The following MACROD2 variants were observed in gnomAD, a reference collection of about 807,000 sequenced individuals.
MACROD2 encodes ADP-ribose glycohydrolase MACROD2.
A neutral mutation model predicts 70.4 loss-of-function variants in MACROD2; 36 were observed. That is an observed-to-expected ratio of 0.51 (90% CI 0.39 to 0.68). The LOEUF (loss-of-function observed/expected upper bound fraction) is 0.68, where lower values mean the gene tolerates loss of function less well. MACROD2 is among the 30% of genes least tolerant of loss of function. The probability of loss-of-function intolerance (pLI) is 0.00; values close to 1 mark genes in which losing one functional copy is unlikely to be tolerated. For synonymous variants in MACROD2, 172 were observed against 178.8 expected (o/e 0.96, Z 0.30); for missense variants, 496 against 538.4 (o/e 0.92, Z 0.78).
chr20:15,874,632 T>C (rs1036235765), intron 9 of MACROD2, among the ~76,000 whole-genome samples: 3 of 152,164 alleles, frequency 2.0e-5, no homozygotes, highest in African/African-American at 7.2e-5. Context: ...TGGTATCTCA[T>C]TGTGGTTTCA....
chr20:14,267,475 A>G (rs2082153319), intron 3 of MACROD2, among the ~76,000 whole-genome samples: 1 of 152,146 alleles, frequency 6.6e-6, no homozygotes, highest in African/African-American at 2.4e-5. Context: ...AAATGCAAAA[A>G]TAACAACAAA....
intron 2 of MACROD2, among the ~76,000 whole-genome samples, chr20:14,044,886 C>T (rs1337635480): frequency 1.3e-5 from 2 of 152,192 alleles, no homozygotes; most frequent in South Asian, 2.1e-4. Context: ...GGGAGTGGCG[C>T]TCGGGGAGGC....
chr20:14,787,464 G>A (rs767844957), intron 5 of MACROD2, among the ~76,000 whole-genome samples: 11 of 152,046 alleles, frequency 7.2e-5, no homozygotes, highest in Non-Finnish European at 5.9e-5. Flanking sequence ...AAGTCAGAGC[G>A]AAGGTAAGTT....
intron 3 of MACROD2, among the ~76,000 whole-genome samples, chr20:14,282,931 G>A (rs2082317723): frequency 1.3e-5 from 2 of 152,130 alleles, no homozygotes; most frequent in African/African-American, 4.8e-5. Context: ...ATGAGATTTG[G>A]GTGGGGACAG....
chr20:15,630,665 G>A (rs2049275129), intron 8 of MACROD2, among the ~76,000 whole-genome samples: 1 of 152,228 alleles, frequency 6.6e-6, no homozygotes, highest in Non-Finnish European at 1.5e-5. Context: ...TGAGTTTAAT[G>A]TTCACGAAAA....
At chr20:15,790,901 G>A (rs1264077947) in intron 8 of MACROD2, among the ~76,000 whole-genome samples, 1 of 151,854 alleles carries the variant, frequency 6.6e-6, no homozygotes, top group Non-Finnish European at 1.5e-5. Context: ...ACAGAAAATA[G>A]ATGTCAATGT....
intron 5 of MACROD2, among the ~76,000 whole-genome samples, chr20:15,083,128 C>T (rs2075717979): frequency 2.6e-5 from 4 of 152,176 alleles, no homozygotes; most frequent in Admixed American, 2.6e-4. Flanking sequence ...TACCAATGGA[C>T]TTCCTTGTGG....
At chr20:14,980,421 T>C (rs1408431) in intron 5 of MACROD2, among the ~76,000 whole-genome samples, 3,374 of 152,218 alleles carry the variant, frequency 0.022, 65 homozygotes, top group Admixed American at 0.047. Context: ...ATGCAACCCC[T>C]CAACCTTCTC....
At chr20:14,222,578 A>T (rs2081685953) in intron 3 of MACROD2, among the ~76,000 whole-genome samples, 1 of 152,184 alleles carries the variant, frequency 6.6e-6, no homozygotes, top group South Asian at 2.1e-4. Flanking sequence ...TGATTTCACC[A>T]CTATGCATGC....
chr20:16,030,802 A>C (rs764582837), intron 15 of MACROD2, among the ~76,000 whole-genome samples: 1 of 152,188 alleles, frequency 6.6e-6, no homozygotes. Context: ...AAATTGCTCT[A>C]TGTGAGAATG....
intron 6 of MACROD2, among the ~76,000 whole-genome samples, chr20:15,261,846 A>C (rs2077252062): frequency 6.6e-6 from 1 of 152,016 alleles, no homozygotes; most frequent in African/African-American, 2.4e-5. Flanking sequence ...CAATTGCTTT[A>C]GTATTAATGC....
At position 14,326,348 on chromosome 20, in the gene MACROD2, T is replaced by C. The variant is rs1221097227; in HGVS notation, c.272-167131T>C. 1.2e-6 allele frequency: 2 copies of C among 1,613,850 alleles called. No individual in the cohort carries two copies. The highest frequency in any genetic ancestry group is 8.5e-7 in the Non-Finnish European group (1 of 1,179,902). On this transcript the variant is annotated intron_variant, in intron 3 of 17. Coordinates refer to ENST00000684519, the MANE Select transcript of MACROD2 (RefSeq NM_001351661.2). This position sits in a 1 kb window ranked among gnomAD's most constrained non-coding sequence, Gnocchi z 5.5. ...TTGGGGTTCTTAATATCTGGCTGTT[T>C]GGTCACTGGAGCTGGCCACTGTCCT...
At chr20:15,021,616 C>T (rs986890008) in intron 5 of MACROD2, 11 of 151,820 alleles carry the variant, frequency 7.2e-5, no homozygotes, top group African/African-American at 2.7e-4. Flanking sequence ...CTAATATTCT[C>T]TGTATCATTC....
intron 3 of MACROD2, among the ~76,000 whole-genome samples, chr20:14,231,581 G>A (rs377263214): frequency 2.6e-5 from 4 of 152,060 alleles, no homozygotes; most frequent in East Asian, 3.9e-4. Flanking sequence ...GCTATTGTGA[G>A]TAGTGCCGCA....
intron 6 of MACROD2, among the ~76,000 whole-genome samples, chr20:15,388,175 A>G (rs1406895871): frequency 2.0e-5 from 3 of 151,978 alleles, no homozygotes; most frequent in Non-Finnish European, 4.4e-5. Flanking sequence ...GGAAAAGGGG[A>G]AGGGGAGGCT....
chr20:15,701,897 T>C (rs987064769), intron 8 of MACROD2, among the ~76,000 whole-genome samples: 6 of 152,224 alleles, frequency 3.9e-5, no homozygotes, highest in African/African-American at 1.4e-4. Context: ...CTCCCACTTA[T>C]AACTGAGAAC....
chr20:15,269,292 G>A (rs570044856), intron 6 of MACROD2, among the ~76,000 whole-genome samples: 1 of 152,330 alleles, frequency 6.6e-6, no homozygotes, highest in South Asian at 2.1e-4. Flanking sequence ...ACGTGGCTTG[G>A]ATGAGGTTTC....
At chr20:14,586,785 T>C (rs1981409089) in intron 4 of MACROD2, among the ~76,000 whole-genome samples, 1 of 152,022 alleles carries the variant, frequency 6.6e-6, no homozygotes, top group Non-Finnish European at 1.5e-5. Context: ...TATTGAGGTT[T>C]ATTTTAGAGG....
chr20:14,138,763 CCACACACACACACACA>C (rs11469437), intron 3 of MACROD2, among the ~76,000 whole-genome samples: 20 of 147,132 alleles, frequency 1.4e-4, no homozygotes, highest in Middle Eastern at 3.4e-3. Flanking sequence ...CTTAAGTTTT[CCACACACACACACACA>C]CACACACACA....
Sources: allele counts gnomAD v4.1 joint callset (sites outside exome capture counted in the v4.1 genomes callset), GRCh38; gene constraint gnomAD v4.1.1; non-coding constraint Gnocchi (gnomAD v3.1); transcripts MANE v1.5; gene names NCBI Gene and HGNC (gene_info 2026-07-23, HGNC 2026-07-21).